TMEM131L: variants seen among roughly 807,000 people sequenced by gnomAD.
The protein encoded by TMEM131L is transmembrane protein 131-like.
A neutral mutation model predicts 192.2 loss-of-function variants in TMEM131L; 54 were observed. That is an observed-to-expected ratio of 0.28 (90% CI 0.23 to 0.35). The LOEUF (loss-of-function observed/expected upper bound fraction) is 0.35, where lower values mean the gene tolerates loss of function less well. Ranked by LOEUF, TMEM131L falls within the 10% of genes least tolerant of loss-of-function variation. TMEM131L has a pLI of 1.00. For missense variants in TMEM131L, 1,888 were observed against 1,972.9 expected, an observed-to-expected ratio of 0.96 and a Z score of 0.82; for synonymous variants, 701 against 704.9, an observed-to-expected ratio of 0.99 and a Z score of 0.09.
At chr4:153,513,757 G>T (rs1318474317) in intron 3 of TMEM131L, among the ~76,000 whole-genome samples, 1 of 152,024 alleles carries the variant, frequency 6.6e-6, no homozygotes, top group Admixed American at 6.6e-5. Flanking sequence ...ATTAAAAGAT[G>T]GCCTTGTGTA....
At position 153,635,428 on chromosome 4, in the gene TMEM131L, G is replaced by A; in HGVS notation, c.4418-4G>A. 1 of 1,613,274 alleles carries A rather than the reference G, an allele frequency of 6.2e-7. No homozygotes were observed. The highest frequency in any genetic ancestry group is 8.5e-7 in the Non-Finnish European group (1 of 1,179,418). ...CTATGATGATATTCTCCCATTCTTT[G>A]TAGAAAACATGAACTATGCCAATGG... On this transcript the variant is annotated splice_polypyrimidine_tract_variant and splice_region_variant and intron_variant, in intron 33 of 34. Transcript: ENST00000409959.
Position 153,602,300 on chromosome 4 carries a change from T to C in TMEM131L, c.2415T>C (p.Phe805=). ...YGFEVLDCHQ[F]SLDPNTSRDI... The stretch of plus-strand genomic sequence containing the variant: ...TCGAGGTGCTGGATTGTCATCAGTT[T>C]TCCCTGGACCCAAACACATCCCGCG... Residue 805 remains phenylalanine (F), a synonymous_variant, in exon 22 of 35, where the codon TTT becomes TTC. Transcript: ENST00000409959. 6.2e-7 allele frequency: 1 copy of C among 1,613,668 alleles called. No homozygotes were observed. The highest frequency in any genetic ancestry group is 1.1e-5 in the South Asian group (1 of 90,890).
In TMEM131L at chr4:153,593,790, T is replaced by C. The variant is rs543659774; in HGVS notation, c.1923-9T>C. On this transcript the variant is annotated splice_polypyrimidine_tract_variant and intron_variant, in intron 18 of 34. Transcript: ENST00000409959. ...GTGCTGTTTTAAACATTTGCTTTTTTCCTTATAGGTTTGGCACTGATATGC... is the reference window on the plus strand; with the variant it reads ...GTGCTGTTTTAAACATTTGCTTTTTCCCTTATAGGTTTGGCACTGATATGC... 1.6e-4 allele frequency: 250 copies of C among 1,602,692 alleles called. No homozygotes were observed. In the South Asian group the frequency reaches 2.6e-3, roughly 17 times the overall value.
rs1371861876 is a variant in TMEM131L, at chr4:153,555,782, C to G, written c.309-5C>G. 5 of 1,550,324 alleles carry G rather than the reference C, an allele frequency of 3.2e-6. No homozygotes were observed. Among genetic ancestry groups the G allele is most frequent in the Non-Finnish European group, 4.4e-6 (5 of 1,145,914 alleles). On this transcript the variant is annotated splice_polypyrimidine_tract_variant and splice_region_variant and intron_variant, in intron 4 of 34. Transcript: ENST00000409959. The surrounding 1 kb of genome is among the most constrained non-coding windows in gnomAD (Gnocchi z 4.1). ...ATTGATTTTTCTCTTTGTTTCTCCTCCTAGGTTCCTGGGACATCCTGTAGC... is the reference window on the plus strand; with the variant it reads ...ATTGATTTTTCTCTTTGTTTCTCCTGCTAGGTTCCTGGGACATCCTGTAGC...
chr4:153,538,867 G>T (rs1398229261), intron 3 of TMEM131L, among the ~76,000 whole-genome samples: 2 of 152,212 alleles, frequency 1.3e-5, no homozygotes, highest in African/African-American at 4.8e-5. Context: ...CCTACTCGTG[G>T]GACAAGGTGG....
At chr4:153,469,780 G>C (rs771768069) in intron 2 of TMEM131L, among the ~76,000 whole-genome samples, 4 of 152,084 alleles carry the variant, frequency 2.6e-5, no homozygotes, top group Non-Finnish European at 5.9e-5. Context: ...TGCAAAATTA[G>C]CCGGGCGTGG....
At chr4:153,503,342 G>T (rs1733742701) in intron 3 of TMEM131L, among the ~76,000 whole-genome samples, 2 of 152,082 alleles carry the variant, frequency 1.3e-5, no homozygotes, top group African/African-American at 4.8e-5. Flanking sequence ...ACAAAGATAG[G>T]ACAGGATTAA....
At chr4:153,467,717 A>G (rs1730863373) in intron 2 of TMEM131L, among the ~76,000 whole-genome samples, 1 of 152,240 alleles carries the variant, frequency 6.6e-6, no homozygotes, top group Non-Finnish European at 1.5e-5. Context: ...GTGACTCTCA[A>G]GGATTGTCAT....
chr4:153,490,485 A>G (rs944941929), intron 3 of TMEM131L, among the ~76,000 whole-genome samples: 18 of 152,114 alleles, frequency 1.2e-4, no homozygotes, highest in African/African-American at 3.9e-4. Flanking sequence ...TTTTAATTTG[A>G]AAGTATGTTT....
intron 14 of TMEM131L, 75 bp downstream of exon 14, chr4:153,586,454 A>G (rs1730707492): frequency 2.7e-6 from 3 of 1,116,968 alleles, no homozygotes; most frequent in Non-Finnish European, 3.8e-6. Context: ...TTAGTGCTTG[A>G]GTTTTATTAA....
intron 3 of TMEM131L, among the ~76,000 whole-genome samples, chr4:153,547,383 G>A (rs939989231): frequency 6.6e-6 from 1 of 152,144 alleles, no homozygotes; most frequent in Non-Finnish European, 1.5e-5. Context: ...TTACCATCCC[G>A]TTTGGGGCTT....
In TMEM131L at chr4:153,612,352, A is replaced by T. The variant is rs369183132; in HGVS notation, c.3519A>T (p.Thr1173=). ...KPSSEKKIHK[T]SREDMFSEKQ... is the part of the protein sequence containing the mutation. ...CTTCAGAAAAGAAGATTCACAAAAC[A>T]TCTAGAGAAGACATGTTTTCTGAGA... The change falls in exon 26 of 35, where the codon ACA becomes ACT. Residue 1173 remains threonine, a synonymous_variant. Transcript: ENST00000409959. 14 of 1,599,456 alleles carry T rather than the reference A, an allele frequency of 8.8e-6. No homozygotes were observed. In the African/African-American group the frequency reaches 1.9e-4, roughly 22 times the overall value.
At chr4:153,506,843 C>CAAA (rs369133768) in intron 3 of TMEM131L, among the ~76,000 whole-genome samples, 11 of 88,224 alleles carry the variant, frequency 1.2e-4, no homozygotes, top group East Asian at 9.7e-4. Context: ...ACTCTGTATC[C>CAAA]AAAAAAAAAA....
intron 7 of TMEM131L, among the ~76,000 whole-genome samples, chr4:153,568,615 A>G (rs546746741): frequency 1.7e-3 from 244 of 146,348 alleles, no homozygotes; most frequent in African/African-American, 6.3e-3. Flanking sequence ...GCAATATAAC[A>G]TGTAGTAAAT....
chr4:153,573,046 C>T (rs987853795), intron 7 of TMEM131L, among the ~76,000 whole-genome samples: 1 of 152,158 alleles, frequency 6.6e-6, no homozygotes, highest in Non-Finnish European at 1.5e-5. Context: ...GAATTTTATT[C>T]CTTTTTAAGG....
chr4:153,620,727 C>G, intron 26 of TMEM131L, 29 bp from the exon 27 acceptor site: 1 of 1,386,866 alleles, frequency 7.2e-7, no homozygotes, highest in Non-Finnish European at 9.9e-7. Flanking sequence ...TTAGTTTAAA[C>G]CATTAAACAT....
chr4:153,618,476 CAAAA>C (rs10669791), intron 26 of TMEM131L, among the ~76,000 whole-genome samples: 13 of 99,426 alleles, frequency 1.3e-4, no homozygotes, highest in Admixed American at 1.3e-3. Flanking sequence ...ACCCTGTCTC[CAAAA>C]AAAAAAAAAA....
intron 4 of TMEM131L, among the ~76,000 whole-genome samples, chr4:153,554,745 T>G (rs1162647251): frequency 2.6e-5 from 4 of 152,212 alleles, no homozygotes; most frequent in African/African-American, 9.6e-5. Context: ...AAGAAATGAC[T>G]TTAGTGAAAT....
At chr4:153,608,745 A>G (rs981302733) in intron 25 of TMEM131L, among the ~76,000 whole-genome samples, 1 of 152,266 alleles carries the variant, frequency 6.6e-6, no homozygotes, top group East Asian at 1.9e-4. Context: ...TATTCAAAAC[A>G]GACCACGTGA....
Sources: gnomAD v4.1 joint callset for allele counts (sites outside exome capture counted in the v4.1 genomes callset) on GRCh38, gnomAD v4.1.1 for gene constraint, Gnocchi (gnomAD v3.1) non-coding constraint, MANE v1.5 for transcripts, NCBI Gene and HGNC (gene_info 2026-07-23, HGNC 2026-07-21) for gene names.